IL10RA: variants seen among roughly 807,000 people sequenced by gnomAD.
The protein encoded by IL10RA is interleukin-10 receptor subunit alpha.
IL10RA carries 18 observed loss-of-function variants against 29.6 expected under a neutral mutation model. The ratio of observed to expected loss-of-function variants is 0.61; its 90% CI spans 0.42 to 0.90. The LOEUF (loss-of-function observed/expected upper bound fraction) is 0.90. Ranked by LOEUF, IL10RA falls within the 40% of genes least tolerant of loss-of-function variation. The probability of loss-of-function intolerance (pLI) is 0.00; values close to 1 mark genes in which losing one functional copy is unlikely to be tolerated. For missense variants in IL10RA, 634 were observed against 716.6 expected (o/e 0.88, Z 1.32); for synonymous variants, 292 against 294.1 (o/e 0.99, Z 0.07).
In IL10RA at chr11:118,000,993, G is replaced by C; in HGVS notation, c.*1352G>C. 2.2e-6 allele frequency: 1 copy of C among 454,178 alleles called. No homozygotes were observed. The allele number at this position is 454,178 out of a possible 1,614,324, so 28.1% of individuals were successfully genotyped here. On this transcript the variant is annotated 3_prime_UTR_variant, in exon 7 of 7. Coordinates refer to ENST00000227752, the MANE Select transcript of IL10RA (RefSeq NM_001558.4). Reference sequence around the variant, plus strand: ...AAGCTGTGAGGGGACAGGCCTGTGCGTGCCATCCAGAGTCATCTCAGCCCT... The same window carrying C: ...AAGCTGTGAGGGGACAGGCCTGTGCCTGCCATCCAGAGTCATCTCAGCCCT...
At chr11:117,994,237 C>G (rs756260436) in intron 5 of IL10RA, 88 bp downstream of exon 5, 9 of 1,158,108 alleles carry the variant, frequency 7.8e-6, no homozygotes, top group Non-Finnish European at 1.1e-5. Context: ...GATGCTGGTG[C>G]CAGCCACTGT....
chr11:117,999,145 G>A lies in IL10RA; in HGVS notation c.1241G>A (p.Gly414Glu), dbSNP rs1448745823. The A allele has an allele frequency of 3.7e-6, 6 of 1,613,860 alleles. No homozygotes were observed. The highest frequency in any genetic ancestry group is 2.2e-5 in the East Asian group (1 of 44,852). The change falls in exon 7 of 7, where the codon GGG becomes GAG. Residue 414 changes from glycine (G) to glutamate (E), a missense_variant. Physicochemically the swap from Gly to Glu is moderately conservative, Grantham distance 98. Coordinates refer to ENST00000227752, the MANE Select transcript of IL10RA (RefSeq NM_001558.4). Reference sequence around the variant, plus strand: ...GTTCAAAACTCTGAGGGCCGGGCTGGGGACACACAGGGTGGCTCGGCCTTG... The same window carrying A: ...GTTCAAAACTCTGAGGGCCGGGCTGAGGACACACAGGGTGGCTCGGCCTTG... ...DLVQNSEGRA[G>E]DTQGGSALGH... is the part of the protein sequence containing the mutation.
chr11:117,993,693 GC>G (rs2058039009), intron 4 of IL10RA, among the ~76,000 whole-genome samples: 1 of 152,188 alleles, frequency 6.6e-6, no homozygotes, highest in African/African-American at 2.4e-5. Flanking sequence ...ACCAGAGGGC[GC>G]CCCTGTTATG....
intron 6 of IL10RA, among the ~76,000 whole-genome samples, chr11:117,996,664 A>T (rs568739682): frequency 1.4e-4 from 21 of 152,218 alleles, no homozygotes; most frequent in Non-Finnish European, 2.9e-4. Flanking sequence ...ATCTCAGCTC[A>T]CTTGCAGCCT....
Position 117,989,455 on chromosome 11 carries a change from TC to T in IL10RA, c.204del (p.Trp69GlyfsTer18). On this transcript the variant is annotated frameshift_variant, in exon 3 of 7. Transcript: ENST00000227752. LOFTEE classifies it high-confidence loss of function. The surrounding 1 kb of genome is among the most constrained non-coding windows in gnomAD (Gnocchi z 4.5). The part of the protein sequence containing the change: ...EVALLRYGIE[S>X]WNSISNCSQT... Reference sequence around the variant, plus strand: ...GTATCTCCTCAGGTATGGAATAGAGTCCTGGAACTCCATCTCCAACTGTAGC... The same window carrying T: ...GTATCTCCTCAGGTATGGAATAGAGTCTGGAACTCCATCTCCAACTGTAGC... 1.2e-6 allele frequency: 2 copies of T among 1,613,976 alleles called. No homozygotes were observed. Among genetic ancestry groups the T allele is most frequent in the Non-Finnish European group, 1.7e-6 (2 of 1,179,932 alleles).
chr11:117,988,335 A>C, intron 1 of IL10RA, 47 bp from the exon 2 acceptor site: 2 of 1,612,932 alleles, frequency 1.2e-6, no homozygotes, highest in Non-Finnish European at 1.7e-6. Context: ...GGGGTCATCA[A>C]TGCCTGCCCC....
chr11:117,999,115 A>T lies in IL10RA; in HGVS notation c.1211A>T (p.Asp404Val), dbSNP rs969435486. 4 of 1,612,342 alleles carry T rather than the reference A, an allele frequency of 2.5e-6. No individual in the cohort carries two copies. In the African/African-American group the frequency reaches 5.3e-5, roughly 22 times the overall value. ...AGGGGCCAGGATGACAGTGGCATTGACTTAGTTCAAAACTCTGAGGGCCGG... is the reference window on the plus strand; with the variant it reads ...AGGGGCCAGGATGACAGTGGCATTGTCTTAGTTCAAAACTCTGAGGGCCGG... ...NSRGQDDSGI[D>V]LVQNSEGRAG... is the part of the protein sequence containing the mutation. Residue 404 changes from aspartate to valine, a missense_variant, in exon 7 of 7, where the codon GAC becomes GTC. Asp to Val is a radical substitution (Grantham distance 152). Coordinates refer to ENST00000227752, the MANE Select transcript of IL10RA (RefSeq NM_001558.4).
chr11:117,995,739 G>C, intron 6 of IL10RA, 29 bp downstream of exon 6: 2 of 1,607,602 alleles, frequency 1.2e-6, no homozygotes, highest in Non-Finnish European at 1.7e-6. Context: ...TCACTGCCCC[G>C]TCCTTCCCAG....
rs2058078569 is a variant in IL10RA at position 117,999,391 on chromosome 11, A to G, written c.1487A>G (p.Tyr496Cys). The change falls in exon 7 of 7, where the codon TAT (tyrosine) becomes TGT (cysteine). Residue 496 changes from tyrosine to cysteine, a missense_variant. Transcript: ENST00000227752. ...GLHPPALAKG[Y>C]LKQDPLEMTL... ...CATCCACCAGCCCTGGCCAAGGGCT[A>G]TTTGAAACAGGATCCTCTAGAAATG... The G allele has an allele frequency of 5.0e-6, 8 of 1,614,060 alleles. No individual in the cohort carries two copies. Among genetic ancestry groups the G allele is most frequent in the Non-Finnish European group, 6.8e-6 (8 of 1,180,032 alleles).
chr11:117,995,278 C>T (rs913615745), intron 5 of IL10RA: 10 of 413,684 alleles, frequency 2.4e-5, no homozygotes, highest in African/African-American at 1.6e-4. Context: ...TAGCAGCCCC[C>T]GGAGCCTCGA....
In IL10RA at chr11:117,993,274, T is replaced by C. The variant is rs1339103550; in HGVS notation, c.401T>C (p.Ile134Thr). 9 of 1,613,990 alleles carry C rather than the reference T, an allele frequency of 5.6e-6. No homozygotes were observed. Among genetic ancestry groups the C allele is most frequent in the Non-Finnish European group, 7.6e-6 (9 of 1,179,982 alleles). ...ACAGTTGGCAGTGTGAACCTAGAGATCCACAATGGCTTCATCCTCGGGAAG... is the reference window on the plus strand; with the variant it reads ...ACAGTTGGCAGTGTGAACCTAGAGACCCACAATGGCTTCATCCTCGGGAAG... ...TLTVGSVNLE[I>T]HNGFILGKIQ... The change falls in exon 4 of 7, where the codon ATC becomes ACC. Residue 134 changes from isoleucine (I) to threonine (T), a missense_variant. Transcript: ENST00000227752.
rs1194565520 is a variant in IL10RA at position 117,987,274 on chromosome 11, T to C, written c.67+740T>C. The C allele has an allele frequency of 2.3e-5, 5 of 214,806 alleles. No individual in the cohort carries two copies. The East Asian group carries it at 5.6e-4, about 24-fold the overall frequency. The allele number at this position is 214,806 out of a possible 1,614,324, so 13.3% of individuals were successfully genotyped here. A position where few individuals can be genotyped will look rare whatever the true frequency, so the allele number is the denominator to read the frequency against. ...GCCATTCACGTGATCGAGAGCTGAG[T>C]CGGAGATGTGCAGCCCAAATACCAC... On this transcript the variant is annotated intron_variant, in intron 1 of 6. Coordinates refer to ENST00000227752, the MANE Select transcript of IL10RA (RefSeq NM_001558.4).
Position 117,994,066 on chromosome 11 carries a change from GT to G in IL10RA, c.606del (p.Cys202TrpfsTer4), listed in dbSNP as rs2058040994. 1 of 1,613,940 alleles carries G rather than the reference GT, an allele frequency of 6.2e-7. No homozygotes were observed. Among genetic ancestry groups the G allele is most frequent in the Non-Finnish European group, 8.5e-7 (1 of 1,179,898 alleles). On this transcript the variant is annotated frameshift_variant, in exon 5 of 7. Transcript: ENST00000227752. LOFTEE classifies it high-confidence loss of function. ...ACCTCTGGAGAAGTGGGAGAGTTCT[GT>G]GTCCAGGTGAAACCATCTGTCGCTT... ...LLTSGEVGEF[C>X]VQVKPSVASR...
intron 5 of IL10RA, 166 bp downstream of exon 5, chr11:117,994,315 G>T (rs1309098155): frequency 1.4e-5 from 9 of 626,558 alleles, no homozygotes; most frequent in Non-Finnish European, 1.7e-5. Flanking sequence ...TCATTTTAGA[G>T]ATGAGGGAAC....
intron 1 of IL10RA, chr11:117,986,981 A>G: frequency 3.7e-6 from 2 of 546,642 alleles, no homozygotes; most frequent in Non-Finnish European, 6.2e-6. Context: ...GATCACCCCG[A>G]TCTGATCCCC....
chr11:117,992,001 C>T (rs896501487), intron 3 of IL10RA, among the ~76,000 whole-genome samples: 1 of 152,202 alleles, frequency 6.6e-6, no homozygotes, highest in African/African-American at 2.4e-5. Flanking sequence ...TCCCAAAGTG[C>T]TAGGATTACA....
In IL10RA at chr11:118,001,202, T is replaced by G. The variant is rs1282926110; in HGVS notation, c.*1561T>G. ...TTTATTTATTTATTTTGTTCATTTATTTATTGGAGAGGCAGCATTGCACAG... is the reference window on the plus strand; with the variant it reads ...TTTATTTATTTATTTTGTTCATTTAGTTATTGGAGAGGCAGCATTGCACAG... On this transcript the variant is annotated 3_prime_UTR_variant, in exon 7 of 7. Coordinates refer to ENST00000227752, the MANE Select transcript of IL10RA (RefSeq NM_001558.4). 1 of 454,098 alleles carries G rather than the reference T, an allele frequency of 2.2e-6. No individual in the cohort carries two copies. The highest frequency in any genetic ancestry group is 4.4e-6 in the Non-Finnish European group (1 of 226,798). 28.1% of individuals were successfully genotyped at this position (454,098 alleles called of 1,614,324 possible).
intron 5 of IL10RA, 150 bp downstream of exon 5, chr11:117,994,299 C>T: frequency 3.0e-6 from 2 of 656,172 alleles, no homozygotes; most frequent in Non-Finnish European, 5.2e-6. Context: ...AGAGGTCCTA[C>T]TGTCCTCATT....
intron 2 of IL10RA, among the ~76,000 whole-genome samples, 162 bp downstream of exon 2, chr11:117,988,664 G>A (rs2058003809): frequency 6.6e-6 from 1 of 152,218 alleles, no homozygotes; most frequent in African/African-American, 2.4e-5. Context: ...CTCCCTTGCT[G>A]AGCAATGTGC....
Sources: allele counts gnomAD v4.1 joint callset (sites outside exome capture counted in the v4.1 genomes callset), GRCh38; gene constraint gnomAD v4.1.1; non-coding constraint Gnocchi (gnomAD v3.1); transcripts MANE v1.5; gene names NCBI Gene and HGNC (gene_info 2026-07-23, HGNC 2026-07-21).